LDHC: variants seen among roughly 807,000 people sequenced by gnomAD.
The protein encoded by LDHC is lactate dehydrogenase C.
A neutral mutation model predicts 30.2 loss-of-function variants in LDHC; 20 were observed. The observed-to-expected ratio is 0.66, with a 90% CI of 0.47 to 0.96. The LOEUF (loss-of-function observed/expected upper bound fraction) is 0.96, where lower values mean the gene tolerates loss of function less well. Among genes scored for constraint, LDHC ranks in the 40% least tolerant of loss-of-function variants. The pLI is 0.00. For synonymous variants in LDHC, 139 were observed against 132.7 expected (o/e 1.05, Z -0.32); for missense variants, 362 against 394.9 (o/e 0.92, Z 0.71).
At chr11:18,418,481 G>A (rs141822978) in intron 3 of LDHC, among the ~76,000 whole-genome samples, 2,059 of 151,820 alleles carry the variant, frequency 0.014, 51 homozygotes, top group African/African-American at 0.047. Flanking sequence ...CCAGGCTGGA[G>A]TGCAGTGGTG....
intron 4 of LDHC, among the ~76,000 whole-genome samples, chr11:18,432,075 T>C (rs1404985841): frequency 6.6e-6 from 1 of 152,190 alleles, no homozygotes; most frequent in Non-Finnish European, 1.5e-5. Flanking sequence ...TTTGTGGTCT[T>C]TCAGACTTTT....
chr11:18,434,734 T>C lies in LDHC; in HGVS notation c.419-6T>C. 6.4e-7 allele frequency: 1 copy of C among 1,564,116 alleles called. No individual in the cohort carries two copies. The highest frequency in any genetic ancestry group is 1.2e-5 in the South Asian group (1 of 85,326). On this transcript the variant is annotated splice_polypyrimidine_tract_variant and splice_region_variant and intron_variant, in intron 4 of 7. Transcript: ENST00000541669. ...TCTTTTTCTAACACAAAATTTTTCT[T>C]CTTAGTGGATATTTTGACATATATA... is the stretch of plus-strand genomic sequence containing the variant.
chr11:18,449,116 ACTT>A (rs1429001631), intron 7 of LDHC, among the ~76,000 whole-genome samples: 2 of 152,062 alleles, frequency 1.3e-5, no homozygotes, highest in Non-Finnish European at 2.9e-5. Flanking sequence ...AAGCAGAGGG[ACTT>A]CTTCCCCTGC....
chr11:18,416,195 C>A (rs188788991), intron 3 of LDHC, among the ~76,000 whole-genome samples: 342 of 152,040 alleles, frequency 2.2e-3, no homozygotes, highest in African/African-American at 8.0e-3. Flanking sequence ...TATATTTTCC[C>A]AAGAATATAC....
intron 6 of LDHC, among the ~76,000 whole-genome samples, chr11:18,441,549 C>T (rs1201317020): frequency 2.0e-5 from 3 of 150,714 alleles, no homozygotes; most frequent in Middle Eastern, 3.4e-3. Flanking sequence ...TCATGATCTG[C>T]CCACCTTGGC....
chr11:18,415,133 C>A (rs373305670), intron 2 of LDHC, 51 bp from the exon 3 acceptor site: 2 of 943,754 alleles, frequency 2.1e-6, no homozygotes, highest in South Asian at 1.5e-5. Flanking sequence ...TCTTCTTATT[C>A]TCCTAAAACT....
chr11:18,417,005 TC>T (rs1250844029), intron 3 of LDHC, among the ~76,000 whole-genome samples: 1 of 152,166 alleles, frequency 6.6e-6, no homozygotes, highest in Non-Finnish European at 1.5e-5. Flanking sequence ...TGCCTCAGCC[TC>T]CCAAGTAGCT....
At chr11:18,438,423 C>T in intron 5 of LDHC, 105 bp from the exon 6 acceptor site, 1 of 707,656 alleles carries the variant, frequency 1.4e-6, no homozygotes, top group East Asian at 2.6e-5. Context: ...AGACAAACAT[C>T]TGAACCATAT....
At chr11:18,446,664 G>T (rs1367928780) in intron 7 of LDHC, among the ~76,000 whole-genome samples, 1 of 152,132 alleles carries the variant, frequency 6.6e-6, no homozygotes, top group Non-Finnish European at 1.5e-5. Flanking sequence ...CCTGATTCTG[G>T]TACTCAGACA....
intron 6 of LDHC, among the ~76,000 whole-genome samples, chr11:18,442,966 C>CT (rs541020998): frequency 1.3e-4 from 20 of 152,104 alleles, no homozygotes; most frequent in African/African-American, 4.8e-4. Context: ...AAATGTATTT[C>CT]TTTTTTTGGC....
chr11:18,435,719 A>G (rs910968152), intron 5 of LDHC, among the ~76,000 whole-genome samples: 1 of 152,220 alleles, frequency 6.6e-6, no homozygotes, highest in Non-Finnish European at 1.5e-5. Flanking sequence ...ACCACAATCT[A>G]AATACAGAAT....
rs60764598 is a variant in LDHC, at chr11:18,444,604, G to GTATA, written c.711-1564_711-1561dup. Among the ~76,000 whole-genome samples the GTATA allele has an allele frequency of 8.8e-3, 784 of 89,046 alleles. 19 individuals are homozygous for GTATA. Among genetic ancestry groups the GTATA allele is most frequent in the Non-Finnish European group, 0.013 (509 of 39,518 alleles). The allele number at this position is 89,046 out of a possible 152,430, so 58.4% of individuals were successfully genotyped here. On this transcript the variant is annotated intron_variant, in intron 6 of 7. Coordinates refer to ENST00000541669, the MANE Select transcript of LDHC (RefSeq NM_017448.5). ...AGGCCCAACCTGCTGTGTTCAGGTGGTATATATATATATATATATATATAT... is the reference window on the plus strand; with the variant it reads ...AGGCCCAACCTGCTGTGTTCAGGTGGTATATATATATATATATATATATATATAT...
intron 3 of LDHC, among the ~76,000 whole-genome samples, chr11:18,417,525 C>T (rs1277869581): frequency 6.6e-6 from 1 of 152,160 alleles, no homozygotes; most frequent in Non-Finnish European, 1.5e-5. Context: ...TTCTGTGTAG[C>T]TGGGACTATA....
At chr11:18,429,038 GAAGT>G (rs1218066898) in intron 3 of LDHC, among the ~76,000 whole-genome samples, 1 of 150,154 alleles carries the variant, frequency 6.7e-6, no homozygotes, top group Non-Finnish European at 1.5e-5. Flanking sequence ...TACAATATTA[GAAGT>G]AAATACATTC....
chr11:18,433,359 C>G (rs1464508965), intron 4 of LDHC, among the ~76,000 whole-genome samples: 2 of 151,342 alleles, frequency 1.3e-5, no homozygotes, highest in Admixed American at 6.6e-5. Context: ...GCACTCCAGC[C>G]TGGGCAACAG....
rs1191404824 is a variant in LDHC at position 18,434,899 on chromosome 11, A to G, written c.578A>G (p.His193Arg). The change falls in exon 5 of 8, where the codon CAT (histidine) becomes CGT (arginine). Residue 193 changes from histidine (H) to arginine (R), a missense_variant. Transcript: ENST00000541669. Reference protein sequence around the residue: ...TSCHGWIIGEHGDSSVPLWSG... With the variant: ...TSCHGWIIGERGDSSVPLWSG... ...TGCCATGGTTGGATTATTGGAGAACATGGTGATTCTAGTGGTAAGTATAAA... is the reference window on the plus strand; with the variant it reads ...TGCCATGGTTGGATTATTGGAGAACGTGGTGATTCTAGTGGTAAGTATAAA... The G allele has an allele frequency of 1.9e-6, 3 of 1,611,416 alleles. No homozygotes were observed. The highest frequency in any genetic ancestry group is 4.5e-5 in the East Asian group (2 of 44,872).
chr11:18,442,640 T>C (rs1848486601), intron 6 of LDHC, among the ~76,000 whole-genome samples: 1 of 151,312 alleles, frequency 6.6e-6, no homozygotes, highest in Non-Finnish European at 1.5e-5. Context: ...CAATCACATG[T>C]TTTATCTCTT....
chr11:18,420,119 C>A (rs1238007121), intron 3 of LDHC, among the ~76,000 whole-genome samples: 1 of 147,160 alleles, frequency 6.8e-6, no homozygotes, highest in African/African-American at 2.6e-5. Flanking sequence ...CAACAACAAC[C>A]TCTATGGATA....
chr11:18,451,012 T>TGGGGCGGAATGGTGTCTC lies in LDHC; in HGVS notation c.885_902dup (p.Gly296_Ser301dup). The TGGGGCGGAATGGTGTCTC allele has an allele frequency of 6.3e-7, 1 of 1,596,352 alleles. No individual in the cohort carries two copies. Among genetic ancestry groups the TGGGGCGGAATGGTGTCTC allele is most frequent in the Non-Finnish European group, 8.5e-7 (1 of 1,174,264 alleles). On this transcript the variant is annotated inframe_insertion, in exon 8 of 8. Coordinates refer to ENST00000541669, the MANE Select transcript of LDHC (RefSeq NM_017448.5). ...CTCTTTCTCAGTATCCCTTGTGTCTTGGGGCGGAATGGTGTCTCAGATGTT... is the reference window on the plus strand; with the variant it reads ...CTCTTTCTCAGTATCCCTTGTGTCTTGGGGCGGAATGGTGTCTCGGGGCGGAATGGTGTCTCAGATGTT...
Sources: gnomAD v4.1 joint callset for allele counts (sites outside exome capture counted in the v4.1 genomes callset) on GRCh38, gnomAD v4.1.1 for gene constraint, MANE v1.5 for transcripts, NCBI Gene and HGNC (gene_info 2026-07-23, HGNC 2026-07-21) for gene names.